The following GCNT4 variants were observed in gnomAD, a reference collection of about 807,000 sequenced individuals.
GCNT4 encodes glucosaminyl (N-acetyl) transferase 4.
In GCNT4, 17 loss-of-function variants were observed where a neutral mutation model predicts 31.3. The observed-to-expected ratio is 0.54, with a 90% CI of 0.37 to 0.81. GCNT4 has a LOEUF of 0.81. Among genes scored for constraint, GCNT4 ranks in the 40% least tolerant of loss-of-function variants. The probability of loss-of-function intolerance (pLI) is 0.00; values close to 1 mark genes in which losing one functional copy is unlikely to be tolerated. For missense variants in GCNT4, 503 were observed against 525.5 expected, an observed-to-expected ratio of 0.96 and a Z score of 0.42; for synonymous variants, 158 against 190.6, an observed-to-expected ratio of 0.83 and a Z score of 1.41.
chr5:75,049,057 C>T (rs898938958), intron 2 of GCNT4, among the ~76,000 whole-genome samples: 4 of 152,204 alleles, frequency 2.6e-5, no homozygotes, highest in Admixed American at 2.6e-4. Context: ...TAAGATTCCA[C>T]TAAGACCCGA....
intron 3 of GCNT4, among the ~76,000 whole-genome samples, chr5:75,045,693 C>T (rs1332667995): frequency 6.6e-6 from 1 of 152,168 alleles, no homozygotes; most frequent in African/African-American, 2.4e-5. Flanking sequence ...TCCTGGTTGC[C>T]CATCCATCCC....
chr5:75,034,329 G>T (rs1163083311), intron 3 of GCNT4, among the ~76,000 whole-genome samples: 1 of 152,226 alleles, frequency 6.6e-6, no homozygotes, highest in Non-Finnish European at 1.5e-5. Context: ...AGCCCCAGGG[G>T]ACACAAGTTG....
Position 75,026,533 on chromosome 5 carries a change from C to T in GCNT4, c.*2143G>A, listed in dbSNP as rs80198079. 3 of 150,496 alleles carry T rather than the reference C, an allele frequency of 2.0e-5. No individual in the cohort carries two copies. Among genetic ancestry groups the T allele is most frequent in the Non-Finnish European group, 2.9e-5 (2 of 67,866 alleles). 9.3% of individuals were successfully genotyped at this position (150,496 alleles called of 1,614,324 possible). The stretch of plus-strand genomic sequence containing the variant: ...AGAAAAGGTAAATGTTTAAGCCTTT[C>T]GATGGGGTTGGACCTTTGCCTATAC... On this transcript the variant is annotated 3_prime_UTR_variant, in exon 4 of 4. Transcript: ENST00000652361.
intron 3 of GCNT4, among the ~76,000 whole-genome samples, chr5:75,042,163 T>C (rs1057298003): frequency 6.6e-6 from 1 of 152,224 alleles, no homozygotes; most frequent in Admixed American, 6.5e-5. Flanking sequence ...ATCCCCGTCT[T>C]CTCTGCCCTT....
chr5:75,044,735 A>G (rs1743396985), intron 3 of GCNT4, among the ~76,000 whole-genome samples: 1 of 152,162 alleles, frequency 6.6e-6, no homozygotes, highest in South Asian at 2.1e-4. Context: ...TCTGCGGGGT[A>G]GACTGGTACA....
At chr5:75,021,266 C>T (rs1742877447), downstream of GCNT4, among the ~76,000 whole-genome samples, 1 of 152,106 alleles carries the variant, frequency 6.6e-6, no homozygotes, top group South Asian at 2.1e-4. Context: ...CTGTGCTGGG[C>T]TAGCAAGCCC....
At chr5:75,020,351 G>A (rs866994147), downstream of GCNT4, among the ~76,000 whole-genome samples, 5 of 152,198 alleles carry the variant, frequency 3.3e-5, no homozygotes, top group Admixed American at 6.5e-5. Flanking sequence ...CTGTAAGGGA[G>A]AGCCAGTTGC....
At chr5:75,033,365 G>T (rs537183377) in intron 3 of GCNT4, among the ~76,000 whole-genome samples, 5 of 152,354 alleles carry the variant, frequency 3.3e-5, no homozygotes, top group Non-Finnish European at 7.3e-5. Context: ...ATCCAGGGAA[G>T]GAAGAGGTGG....
At position 75,028,360 on chromosome 5, in the gene GCNT4, T is replaced by C; in HGVS notation, c.*316A>G. ...CTTAAAGATACCGAGGTTGCTATGA[T>C]GAGGATAAGCCGCAGTCTCTAAAAA... On this transcript the variant is annotated 3_prime_UTR_variant, in exon 4 of 4. Coordinates refer to ENST00000652361, the MANE Select transcript of GCNT4 (RefSeq NM_001366737.1). 2 of 267,330 alleles carry C rather than the reference T, an allele frequency of 7.5e-6. 1 individual carries two copies. Among genetic ancestry groups the C allele is most frequent in the South Asian group, 1.7e-4 (2 of 12,116 alleles). 16.6% of individuals were successfully genotyped at this position (267,330 alleles called of 1,614,324 possible).
intron 3 of GCNT4, among the ~76,000 whole-genome samples, chr5:75,045,088 T>G (rs919082729): frequency 2.8e-4 from 43 of 152,278 alleles, no homozygotes; most frequent in African/African-American, 1.0e-3. Context: ...TTCTTATTTA[T>G]GAATTAGTTG....
At position 75,029,255 on chromosome 5, in the gene GCNT4, T is replaced by A; in HGVS notation, c.783A>T (p.Lys261Asn). 2 of 1,614,174 alleles carry A rather than the reference T, an allele frequency of 1.2e-6. No individual in the cohort carries two copies. Among genetic ancestry groups the A allele is most frequent in the Non-Finnish European group, 1.7e-6 (2 of 1,180,020 alleles). The stretch of plus-strand genomic sequence containing the variant: ...CATGATGGTAAGTGAATCTTTCCAA[T>A]TTACTGTTTGGGGGTTTCACCGTCT... Reference protein sequence around the residue: ...MLETVKPPNSKLERFTYHHEL... With the variant: ...MLETVKPPNSNLERFTYHHEL... The change falls in exon 4 of 4, where the codon AAA becomes AAT. Residue 261 changes from lysine (K) to asparagine (N), a missense_variant. Physicochemically the swap from Lys to Asn is moderately conservative, Grantham distance 94. Coordinates refer to ENST00000652361, the MANE Select transcript of GCNT4 (RefSeq NM_001366737.1).
At chr5:75,017,407 A>G in the GCNT4 span, 4 of 152,074 alleles carry the variant, frequency 2.6e-5, no homozygotes, top group Non-Finnish European at 4.4e-5. Flanking sequence ...GAAATTTTCA[A>G]TTTCAGTTTC....
chr5:75,034,911 GC>G lies in GCNT4; in HGVS notation c.-1-4874del, dbSNP rs1318847803. ...GAACACAGAGGTGCACCCCAGCTAAGCGGACACGACCGCATTCAGGGACACC... is the reference window on the plus strand; with the variant it reads ...GAACACAGAGGTGCACCCCAGCTAAGGGACACGACCGCATTCAGGGACACC... On this transcript the variant is annotated intron_variant, in intron 3 of 3. Coordinates refer to ENST00000652361, the MANE Select transcript of GCNT4 (RefSeq NM_001366737.1). 2.0e-5 allele frequency among the ~76,000 whole-genome samples: 3 copies of G among 152,088 alleles called. No individual in the cohort carries two copies. The East Asian group carries it at 5.8e-4, about 29-fold the overall frequency.
chr5:75,033,323 G>A (rs889931293), intron 3 of GCNT4, among the ~76,000 whole-genome samples: 2 of 152,172 alleles, frequency 1.3e-5, no homozygotes, highest in African/African-American at 4.8e-5. Flanking sequence ...GGAGGTCATG[G>A]TTGCCTGCCC....
rs144350055 is a variant in GCNT4 at position 75,029,243 on chromosome 5, G to A, written c.795C>T (p.Phe265=). The A allele has an allele frequency of 2.1e-4, 335 of 1,613,982 alleles. 1 individual carries two copies. In the Middle Eastern group the frequency reaches 4.1e-3, roughly 20 times the overall value. Residue 265 remains phenylalanine, a synonymous_variant, in exon 4 of 4, where the codon TTC becomes TTT. Transcript: ENST00000652361. The part of the protein sequence containing the change: ...VKPPNSKLER[F]TYHHELRRVP... ...CCCGTCTAAGTTCATGATGGTAAGTGAATCTTTCCAATTTACTGTTTGGGG... is the reference window on the plus strand; with the variant it reads ...CCCGTCTAAGTTCATGATGGTAAGTAAATCTTTCCAATTTACTGTTTGGGG...
intron 3 of GCNT4, among the ~76,000 whole-genome samples, chr5:75,032,876 T>TGTGTGG (rs1743099403): frequency 4.5e-5 from 1 of 22,062 alleles, no homozygotes; most frequent in Non-Finnish European, 8.8e-5. Context: ...AATAGGGGTG[T>TGTGTGG]GTGTGTGTGT....
chr5:75,038,361 G>C (rs528636993), intron 3 of GCNT4, among the ~76,000 whole-genome samples: 1 of 152,258 alleles, frequency 6.6e-6, no homozygotes, highest in African/African-American at 2.4e-5. Flanking sequence ...TTTACAGGTG[G>C]TTGAGCCCAT....
intron 3 of GCNT4, among the ~76,000 whole-genome samples, chr5:75,041,270 GCCAGTC>G (rs1223349116): frequency 6.6e-6 from 1 of 152,164 alleles, no homozygotes; most frequent in Non-Finnish European, 1.5e-5. Flanking sequence ...CAGGGCCTTT[GCCAGTC>G]CTCTGTCATT....
Position 75,028,119 on chromosome 5 carries a change from G to A in GCNT4, c.*557C>T, listed in dbSNP as rs1017464188. 4 of 152,856 alleles carry A rather than the reference G, an allele frequency of 2.6e-5. No homozygotes were observed. The highest frequency in any genetic ancestry group is 9.7e-5 in the African/African-American group (4 of 41,362). The allele number at this position is 152,856 out of a possible 1,614,324, so 9.5% of individuals were successfully genotyped here. ...AAGGCAGATTATGCTTTGGCAAGCA[G>A]GAAATTGGACTATTCTTTGAGATTT... On this transcript the variant is annotated 3_prime_UTR_variant, in exon 4 of 4. Transcript: ENST00000652361.
Sources: gnomAD v4.1 joint callset for allele counts (sites outside exome capture counted in the v4.1 genomes callset) on GRCh38, gnomAD v4.1.1 for gene constraint, MANE v1.5 for transcripts, NCBI Gene and HGNC (gene_info 2026-07-23, HGNC 2026-07-21) for gene names.